Variants in KIF16B observed in about 807,000 individuals in gnomAD.
KIF16B encodes the protein kinesin family member 16B, also known as kinesin-like protein KIF16B.
A neutral mutation model predicts 156.3 loss-of-function variants in KIF16B; 98 were observed. The ratio of observed to expected loss-of-function variants is 0.63; its 90% CI spans 0.53 to 0.74. The LOEUF (loss-of-function observed/expected upper bound fraction) is 0.74. Ranked by LOEUF, KIF16B falls within the 30% of genes least tolerant of loss-of-function variation. The pLI, the probability that KIF16B is intolerant of heterozygous loss-of-function variation, is 0.00. For missense variants in KIF16B, 1,421 were observed against 1,606.5 expected (o/e 0.88, Z 1.97); for synonymous variants, 564 against 583.7 (o/e 0.97, Z 0.49).
intron 7 of KIF16B, 129 bp downstream of exon 7, chr20:16,507,829 A>G: frequency 1.0e-6 from 1 of 952,862 alleles, no homozygotes; most frequent in Non-Finnish European, 1.6e-6. Context: ...TCTAATTAAC[A>G]AGAAAATGAC....
intron 6 of KIF16B, among the ~76,000 whole-genome samples, chr20:16,509,285 C>T (rs1210937420): frequency 1.3e-5 from 2 of 152,188 alleles, no homozygotes; most frequent in African/African-American, 4.8e-5. Context: ...AGTAATGCTG[C>T]TACAAATCAC....
intron 10 of KIF16B, among the ~76,000 whole-genome samples, chr20:16,500,148 T>C (rs1327543060): frequency 1.3e-5 from 2 of 152,186 alleles, no homozygotes; most frequent in Non-Finnish European, 2.9e-5. Flanking sequence ...TGCAGCCAAA[T>C]ACATAAATCT....
chr20:16,298,509 G>A (rs764617472), intron 25 of KIF16B, among the ~76,000 whole-genome samples: 1 of 152,154 alleles, frequency 6.6e-6, no homozygotes, highest in Non-Finnish European at 1.5e-5. Context: ...GTGTAGAGGT[G>A]TTTATAGTAT....
chr20:16,458,207 C>T (rs1474790972), intron 12 of KIF16B, among the ~76,000 whole-genome samples: 1 of 152,182 alleles, frequency 6.6e-6, no homozygotes, highest in East Asian at 1.9e-4. Context: ...GCCACATAAA[C>T]AACTGCCCAA....
At chr20:16,549,689 G>A (rs1163748019) in intron 1 of KIF16B, among the ~76,000 whole-genome samples, 7 of 147,548 alleles carry the variant, frequency 4.7e-5, no homozygotes, top group East Asian at 4.0e-4. Flanking sequence ...CAGAAATAAC[G>A]CCGCATACCT....
chr20:16,544,024 G>A (rs79949181), intron 1 of KIF16B, among the ~76,000 whole-genome samples: 4,203 of 152,180 alleles, frequency 0.028, 185 homozygotes, highest in African/African-American at 0.096. Context: ...GATCCCAGGG[G>A]AACACAATGA....
intron 25 of KIF16B, among the ~76,000 whole-genome samples, chr20:16,289,168 T>G (rs189226683): frequency 6.6e-6 from 1 of 152,102 alleles, no homozygotes; most frequent in Non-Finnish European, 1.5e-5. Context: ...TCTTATGTAG[T>G]TTATTGAATA....
At chr20:16,461,202 A>G (rs897647301) in intron 12 of KIF16B, among the ~76,000 whole-genome samples, 1 of 151,994 alleles carries the variant, frequency 6.6e-6, no homozygotes, top group Non-Finnish European at 1.5e-5. Context: ...TAATGTAAGA[A>G]AGAAAAATAT....
At chr20:16,340,139 C>T (rs1256229693) in intron 23 of KIF16B, among the ~76,000 whole-genome samples, 1 of 152,156 alleles carries the variant, frequency 6.6e-6, no homozygotes, top group Admixed American at 6.5e-5. Context: ...ACCCAAGATG[C>T]TACACAGCAA....
chr20:16,392,896 C>T (rs899848092), intron 17 of KIF16B, among the ~76,000 whole-genome samples: 1 of 151,750 alleles, frequency 6.6e-6, no homozygotes, highest in Non-Finnish European at 1.5e-5. Context: ...ACAAAGCAGA[C>T]CAAGATTTAT....
intron 1 of KIF16B, among the ~76,000 whole-genome samples, chr20:16,545,613 C>T (rs1380485414): frequency 5.9e-5 from 9 of 152,058 alleles, no homozygotes; most frequent in Non-Finnish European, 8.8e-5. Flanking sequence ...TGTAGTGAGC[C>T]GAGATCGCAC....
At chr20:16,460,909 C>T (rs2067330036) in intron 12 of KIF16B, among the ~76,000 whole-genome samples, 1 of 151,788 alleles carries the variant, frequency 6.6e-6, no homozygotes, top group Non-Finnish European at 1.5e-5. Flanking sequence ...TCCTACATAC[C>T]TATTGGGACA....
At chr20:16,492,596 C>G (rs531657851) in intron 12 of KIF16B, among the ~76,000 whole-genome samples, 11 of 151,732 alleles carry the variant, frequency 7.2e-5, no homozygotes, top group Admixed American at 2.0e-4. Context: ...CCCAAAATCA[C>G]CTTCTGAGAA....
intron 22 of KIF16B, among the ~76,000 whole-genome samples, chr20:16,364,994 G>T (rs919412367): frequency 6.6e-6 from 1 of 152,186 alleles, no homozygotes; most frequent in African/African-American, 2.4e-5. Flanking sequence ...AACACTCTTT[G>T]TTAAAATTAT....
intron 1 of KIF16B, among the ~76,000 whole-genome samples, chr20:16,552,471 A>G (rs528441499): frequency 6.6e-6 from 1 of 152,042 alleles, no homozygotes; most frequent in South Asian, 2.1e-4. Flanking sequence ...CCACCACTAC[A>G]CCTGTTGTCC....
At chr20:16,431,936 A>ACACACACACACACACACACACACG (rs990835534) in intron 12 of KIF16B, among the ~76,000 whole-genome samples, 1 of 151,100 alleles carries the variant, frequency 6.6e-6, no homozygotes, top group African/African-American at 2.4e-5. Flanking sequence ...ACACACACAC[A>ACACACACACACACACACACACACG]CACGCACAAG....
At chr20:16,369,381 A>C (rs767203823) in intron 22 of KIF16B, 56 of 769,912 alleles carry the variant, frequency 7.3e-5, no homozygotes, top group Non-Finnish European at 8.8e-5. Flanking sequence ...TCAGAGGTTA[A>C]ATAAAAAGTC....
chr20:16,521,557 A>C (rs1039330172), intron 3 of KIF16B, among the ~76,000 whole-genome samples: 4 of 152,180 alleles, frequency 2.6e-5, no homozygotes, highest in Admixed American at 6.5e-5. Context: ...GTGTACCTCA[A>C]ACTGACGGGG....
At chr20:16,538,810 G>T (rs2070080863) in intron 1 of KIF16B, among the ~76,000 whole-genome samples, 1 of 152,124 alleles carries the variant, frequency 6.6e-6, no homozygotes, top group Admixed American at 6.5e-5. Context: ...TGGATCACAG[G>T]AGTGGATTTC....
Sources: gnomAD v4.1 joint callset for allele counts (sites outside exome capture counted in the v4.1 genomes callset) on GRCh38, gnomAD v4.1.1 for gene constraint, MANE v1.5 for transcripts, NCBI Gene and HGNC (gene_info 2026-07-23, HGNC 2026-07-21) for gene names.